Variants in OPA1 observed in about 807,000 individuals in gnomAD.
OPA1 encodes dynamin-like GTPase OPA1, mitochondrial.
In OPA1, 59 loss-of-function variants were observed where a neutral mutation model predicts 152.9. The ratio of observed to expected loss-of-function variants is 0.39; its 90% CI spans 0.31 to 0.48. OPA1 has a LOEUF of 0.48. Among genes scored for constraint, OPA1 ranks in the 20% least tolerant of loss-of-function variants. The pLI is 0.96. For missense variants in OPA1, 1,008 were observed against 1,216.8 expected, an observed-to-expected ratio of 0.83 and a Z score of 2.55; for synonymous variants, 400 against 389.9, an observed-to-expected ratio of 1.03 and a Z score of -0.31.
At position 193,667,263 on chromosome 3, in the gene OPA1, A is replaced by G. The variant is rs756937966; in HGVS notation, c.2966A>G (p.Gln989Arg). Residue 989 changes from glutamine to arginine, a missense_variant, in exon 29 of 31, where the codon CAA (glutamine) becomes CGA (arginine). Transcript: ENST00000361510. ...KIKLLTGKRV[Q>R]LAEDLKKVRE... ...AAATTGCTTACTGGTAAACGCGTTC[A>G]ACTGGCGGAAGACCTCAGTGAGTAG... 4 of 1,576,718 alleles carry G rather than the reference A, an allele frequency of 2.5e-6. No individual in the cohort carries two copies. The East Asian group carries it at 9.0e-5, about 35-fold the overall frequency.
intron 10 of OPA1, 69 bp downstream of exon 10, chr3:193,637,350 A>G: frequency 2.2e-6 from 2 of 895,014 alleles, no homozygotes; most frequent in Non-Finnish European, 3.8e-6. Context: ...CCTAAAAATT[A>G]TGTGTATATA....
rs1045929011 is a variant in OPA1 at position 193,593,267 on chromosome 3, G to C, written c.-111G>C. 3 of 1,144,398 alleles carry C rather than the reference G, an allele frequency of 2.6e-6. No homozygotes were observed. Among genetic ancestry groups the C allele is most frequent in the Non-Finnish European group, 3.6e-6 (3 of 832,912 alleles). The allele number at this position is 1,144,398 out of a possible 1,614,324, so 70.9% of individuals were successfully genotyped here. The stretch of plus-strand genomic sequence containing the variant: ...GCCTCGGCCGCGGCTCTGTGCCCTT[G>C]CTGCTGAGGGCCACTTCCTGGGTCA... On this transcript the variant is annotated 5_prime_UTR_variant, in exon 1 of 31. Coordinates refer to ENST00000361510, the MANE Select transcript of OPA1 (RefSeq NM_130837.3).
chr3:193,606,985 T>A (rs1228254455), intron 1 of OPA1, among the ~76,000 whole-genome samples: 2 of 152,228 alleles, frequency 1.3e-5, no homozygotes, highest in Non-Finnish European at 2.9e-5. Flanking sequence ...GGTATCTCAT[T>A]GTGGTTTTGA....
At chr3:193,599,782 A>G (rs1446781688) in intron 1 of OPA1, among the ~76,000 whole-genome samples, 1 of 152,230 alleles carries the variant, frequency 6.6e-6, no homozygotes, top group Non-Finnish European at 1.5e-5. Flanking sequence ...GAGCAAAGAA[A>G]AAAAATGATC....
intron 6 of OPA1, among the ~76,000 whole-genome samples, chr3:193,623,756 C>G (rs1486725023): frequency 6.6e-6 from 1 of 152,138 alleles, no homozygotes; most frequent in African/African-American, 2.4e-5. Context: ...GTTTGTACAT[C>G]TGAGGAGTGT....
chr3:193,638,816 A>G (rs1225866485), intron 11 of OPA1, among the ~76,000 whole-genome samples: 1 of 152,254 alleles, frequency 6.6e-6, no homozygotes, highest in African/African-American at 2.4e-5. Flanking sequence ...AATGCTTGAA[A>G]TAGAATGTCT....
At chr3:193,632,247 C>T (rs1010934971) in intron 8 of OPA1, among the ~76,000 whole-genome samples, 14 of 152,090 alleles carry the variant, frequency 9.2e-5, no homozygotes, top group African/African-American at 2.9e-4. Flanking sequence ...TTTGGGAGGC[C>T]GAAGTGGGCG....
chr3:193,643,390 A>G lies in OPA1; in HGVS notation c.1323A>G (p.Val441=), dbSNP rs1014702193. The G allele has an allele frequency of 8.7e-6, 14 of 1,609,588 alleles. No individual in the cohort carries two copies. Among genetic ancestry groups the G allele is most frequent in the Non-Finnish European group, 1.1e-5 (13 of 1,175,932 alleles). Reference sequence around the variant, plus strand: ...CTGAGTAGACCATATCCTTAAATGTAAAAGGCCCTGGACTACAGAGGATGG... The same window carrying G: ...CTGAGTAGACCATATCCTTAAATGTGAAAGGCCCTGGACTACAGAGGATGG... ...TVSPETISLN[V]KGPGLQRMVL... Residue 441 remains valine, a synonymous_variant, in exon 14 of 31, where the codon GTA becomes GTG. Transcript: ENST00000361510.
intron 29 of OPA1, among the ~76,000 whole-genome samples, chr3:193,686,565 A>G (rs1234504912): frequency 7.2e-5 from 11 of 152,178 alleles, no homozygotes; most frequent in Admixed American, 7.2e-4. Context: ...GATTTTAGCT[A>G]CAGTTTTGAG....
intron 1 of OPA1, among the ~76,000 whole-genome samples, chr3:193,610,975 T>G (rs979419714): frequency 6.6e-6 from 1 of 152,206 alleles, no homozygotes; most frequent in Non-Finnish European, 1.5e-5. Flanking sequence ...CCTGACCCCT[T>G]GTGCTTCCTG....
At chr3:193,646,118 C>T (rs1238540896) in intron 18 of OPA1, among the ~76,000 whole-genome samples, 1 of 152,236 alleles carries the variant, frequency 6.6e-6, no homozygotes. Context: ...CACTTTTAAA[C>T]GTGTACATAT....
rs1731130745 is a variant in OPA1, at chr3:193,626,312, T to C, written c.789+110T>C. ...GGACTCCAAATACAAGAAATTAATT[T>C]GACAAAGTGAAAATATAAAAGATGC... On this transcript the variant is annotated intron_variant, in intron 7 of 30. Transcript: ENST00000361510. 4 of 786,144 alleles carry C rather than the reference T, an allele frequency of 5.1e-6. No homozygotes were observed. In the Admixed American group the frequency reaches 6.4e-5, roughly 13 times the overall value. The allele number at this position is 786,144 out of a possible 1,614,324, so 48.7% of individuals were successfully genotyped here.
At chr3:193,645,891 T>C (rs1014079806) in intron 18 of OPA1, 91 bp downstream of exon 18, 1 of 1,027,886 alleles carries the variant, frequency 9.7e-7, no homozygotes, top group Non-Finnish European at 1.5e-6. Context: ...GTTTTATAAC[T>C]ATTAGTTTAA....
chr3:193,693,350 G>A (rs1721927628), intron 30 of OPA1, among the ~76,000 whole-genome samples: 1 of 152,196 alleles, frequency 6.6e-6, no homozygotes, highest in South Asian at 2.1e-4. Flanking sequence ...TCTTTAGTAA[G>A]TTAAGACAGG....
chr3:193,617,196 T>G lies in OPA1; in HGVS notation c.467T>G (p.Leu156Arg). Residue 156 changes from leucine to arginine, a missense_variant, in exon 4 of 31, where the codon CTT becomes CGT. Transcript: ENST00000361510. ...YIDFEKIRKA[L>R]PSSEDLVKLA... ...TTTCCAGAGAAAATTAGAAAAGCCC[T>G]TCCTAGTTCAGAAGACCTTGTAAAG... 6.2e-7 allele frequency: 1 copy of G among 1,607,596 alleles called. No individual in the cohort carries two copies. The highest frequency in any genetic ancestry group is 8.5e-7 in the Non-Finnish European group (1 of 1,174,248).
At position 193,664,863 on chromosome 3, in the gene OPA1, C is replaced by CT. The variant is rs1357863684; in HGVS notation, c.2662-11dup. The CT allele has an allele frequency of 7.4e-7, 1 of 1,357,210 alleles. No homozygotes were observed. The highest frequency in any genetic ancestry group is 1.1e-6 in the Non-Finnish European group (1 of 947,000). 84.1% of individuals were successfully genotyped at this position (1,357,210 alleles called of 1,614,324 possible). A position where few individuals can be genotyped will look rare whatever the true frequency, so the allele number is the denominator to read the frequency against. On this transcript the variant is annotated splice_polypyrimidine_tract_variant and intron_variant, in intron 26 of 30. Transcript: ENST00000361510. Reference sequence around the variant, plus strand: ...AGAATATACAGTAACTCTGGGCTTTCTTTTTTCTCATTTTAGATTAAGGAT... The same window carrying CT: ...AGAATATACAGTAACTCTGGGCTTTCTTTTTTTCTCATTTTAGATTAAGGAT...
intron 5 of OPA1, 151 bp from the exon 6 acceptor site, chr3:193,618,717 TC>T (rs1282917514): frequency 1.5e-6 from 1 of 676,254 alleles, no homozygotes; most frequent in Non-Finnish European, 2.6e-6. Context: ...TCAGTCATGT[TC>T]CTTAAAATAA....
intron 22 of OPA1, among the ~76,000 whole-genome samples, chr3:193,655,709 C>A (rs1477543444): frequency 3.9e-5 from 6 of 152,054 alleles, no homozygotes; most frequent in Non-Finnish European, 8.8e-5. Flanking sequence ...AATGCCCAGC[C>A]CATGGTAACT....
intron 1 of OPA1, among the ~76,000 whole-genome samples, chr3:193,612,780 A>T (rs1451416361): frequency 1.3e-5 from 2 of 152,244 alleles, no homozygotes; most frequent in African/African-American, 2.4e-5. Flanking sequence ...TAAGGTACTT[A>T]TCAGAGGTCT....
Sources: gnomAD v4.1 joint callset for allele counts (sites outside exome capture counted in the v4.1 genomes callset) on GRCh38, gnomAD v4.1.1 for gene constraint, MANE v1.5 for transcripts, NCBI Gene and HGNC (gene_info 2026-07-23, HGNC 2026-07-21) for gene names.